Variants in ACYP2 observed in about 807,000 individuals in gnomAD.
ACYP2 encodes the protein acylphosphatase-2.
Under a neutral mutation model 11.2 loss-of-function variants are expected in ACYP2, and 12 were observed. The ratio of observed to expected loss-of-function variants is 1.08; its 90% CI spans 0.69 to 1.74. ACYP2 has a LOEUF of 1.74. Among genes scored for constraint, ACYP2 ranks in the 40% most tolerant of loss-of-function variants. ACYP2 has a pLI of 0.00. For synonymous variants in ACYP2, 43 were observed against 32.2 expected (o/e 1.33, Z -1.13); for missense variants, 134 against 101.9 (o/e 1.31, Z -1.35).
chr2:54,256,266 C>T, intron 6 of ACYP2: 10 of 1,215,078 alleles, frequency 8.2e-6, no homozygotes, highest in Middle Eastern at 2.8e-4. Context: ...GCCCACTCTT[C>T]AGTCTCGCGA....
At chr2:54,278,577 G>T (rs78543068) in intron 6 of ACYP2, among the ~76,000 whole-genome samples, 3,352 of 152,270 alleles carry the variant, frequency 0.022, 43 homozygotes, top group Middle Eastern at 0.071. Context: ...TGCTAGGATT[G>T]ATTAGCAATG....
At chr2:54,188,874 A>G (rs995004318) in intron 6 of ACYP2, among the ~76,000 whole-genome samples, 2 of 152,096 alleles carry the variant, frequency 1.3e-5, no homozygotes, top group African/African-American at 4.8e-5. Flanking sequence ...TCCATACCTG[A>G]CGCTCTGCTT....
chr2:53,973,666 T>C (rs1276436844), intron 1 of ACYP2: 1 of 220,848 alleles, frequency 4.5e-6, no homozygotes, highest in East Asian at 8.7e-5. Flanking sequence ...CCAAAACCTA[T>C]AAGAACTAAT....
At chr2:54,254,803 G>T (rs757487241) in intron 6 of ACYP2, 12 of 997,956 alleles carry the variant, frequency 1.2e-5, no homozygotes, top group Non-Finnish European at 1.8e-5. Context: ...TTAAACAGAG[G>T]GTACAGGAAA....
intron 4 of ACYP2, among the ~76,000 whole-genome samples, chr2:54,119,940 A>G (rs750411828): frequency 1.3e-5 from 2 of 152,202 alleles, no homozygotes; most frequent in Non-Finnish European, 2.9e-5. Flanking sequence ...CTTTGAGGTC[A>G]AGTACTTTGT....
chr2:54,004,241 C>T (rs913005875), intron 2 of ACYP2, among the ~76,000 whole-genome samples: 57 of 152,150 alleles, frequency 3.7e-4, no homozygotes, highest in African/African-American at 1.3e-3. Flanking sequence ...CCCACCTCGG[C>T]CTCCCAAAGT....
chr2:54,119,438 G>C (rs1680014630), intron 4 of ACYP2, among the ~76,000 whole-genome samples: 1 of 152,114 alleles, frequency 6.6e-6, no homozygotes. Context: ...TGTCTTGTTA[G>C]AAATAATGGC....
At chr2:54,073,223 T>C (rs1677157441) in intron 4 of ACYP2, among the ~76,000 whole-genome samples, 1 of 152,094 alleles carries the variant, frequency 6.6e-6, no homozygotes, top group African/African-American at 2.4e-5. Flanking sequence ...CTTCACACCA[T>C]ATGTAAGAAT....
intron 2 of ACYP2, among the ~76,000 whole-genome samples, chr2:54,016,647 C>G (rs1255831074): frequency 6.6e-6 from 1 of 151,230 alleles, no homozygotes; most frequent in East Asian, 1.9e-4. Context: ...CAGACTGGGT[C>G]ATTTATAAAC....
chr2:54,256,681 G>A (rs571762844), intron 6 of ACYP2, among the ~76,000 whole-genome samples: 5 of 152,198 alleles, frequency 3.3e-5, no homozygotes, highest in African/African-American at 7.2e-5. Flanking sequence ...TTTCGCTGTC[G>A]CCGAGGCTGG....
At chr2:54,135,038 G>A (rs896054858) in intron 4 of ACYP2, among the ~76,000 whole-genome samples, 2 of 152,124 alleles carry the variant, frequency 1.3e-5, no homozygotes, top group African/African-American at 4.8e-5. Flanking sequence ...GCACTTTATG[G>A]TTTCTCTTTG....
intron 6 of ACYP2, among the ~76,000 whole-genome samples, chr2:54,165,417 G>C (rs950396919): frequency 2.0e-5 from 3 of 151,842 alleles, no homozygotes; most frequent in Non-Finnish European, 4.4e-5. Context: ...TAAAATTTTA[G>C]ATCTAGAAGG....
chr2:54,258,059 T>C (rs1238791858), intron 6 of ACYP2, among the ~76,000 whole-genome samples: 1 of 152,250 alleles, frequency 6.6e-6, no homozygotes, highest in East Asian at 1.9e-4. Context: ...GGTACTCTTA[T>C]AGGCCCTCTG....
At chr2:54,074,280 G>T (rs1265267893) in intron 4 of ACYP2, among the ~76,000 whole-genome samples, 1 of 152,170 alleles carries the variant, frequency 6.6e-6, no homozygotes, top group Admixed American at 6.5e-5. Context: ...AGGAATTCAA[G>T]GTTATAATGA....
At chr2:54,035,528 G>T (rs1301461430) in intron 2 of ACYP2, among the ~76,000 whole-genome samples, 1 of 152,132 alleles carries the variant, frequency 6.6e-6, no homozygotes, top group African/African-American at 2.4e-5. Flanking sequence ...GCCTCCCAAA[G>T]TGCTGGAATT....
At chr2:54,298,824 T>C in intron 6 of ACYP2, among the ~76,000 whole-genome samples, 1 of 152,122 alleles carries the variant, frequency 6.6e-6, no homozygotes, top group East Asian at 1.9e-4. Context: ...TGATCTCGGC[T>C]CATTGCAACC....
intron 3 of ACYP2, among the ~76,000 whole-genome samples, chr2:54,054,124 C>T (rs1676002803): frequency 6.6e-6 from 1 of 152,306 alleles, no homozygotes; most frequent in Middle Eastern, 3.4e-3. Flanking sequence ...AATGAAAGAA[C>T]AGCTTCTGAG....
intron 2 of ACYP2, among the ~76,000 whole-genome samples, chr2:53,985,783 G>T (rs189479050): frequency 2.6e-4 from 40 of 152,280 alleles, no homozygotes; most frequent in Middle Eastern, 6.8e-3. Context: ...CCATAATGAT[G>T]AGTGAGTTCA....
chr2:54,004,375 T>C (rs1672948047), intron 2 of ACYP2, among the ~76,000 whole-genome samples: 1 of 151,660 alleles, frequency 6.6e-6, no homozygotes, highest in Admixed American at 6.6e-5. Context: ...GTATCTTCTT[T>C]GGTGAGGTGT....
Sources: gnomAD v4.1 joint callset for allele counts (sites outside exome capture counted in the v4.1 genomes callset) on GRCh38, gnomAD v4.1.1 for gene constraint, MANE v1.5 for transcripts, NCBI Gene and HGNC (gene_info 2026-07-23, HGNC 2026-07-21) for gene names.